The following TBC1D5 variants were observed in gnomAD, a reference collection of about 807,000 sequenced individuals.
TBC1D5 encodes the protein TBC1 domain family member 5.
A neutral mutation model predicts 100.3 loss-of-function variants in TBC1D5; 75 were observed. The observed-to-expected ratio is 0.75, with a 90% CI of 0.62 to 0.91. The LOEUF (loss-of-function observed/expected upper bound fraction) is 0.91. Among genes scored for constraint, TBC1D5 ranks in the 40% least tolerant of loss-of-function variants. The probability of loss-of-function intolerance (pLI) is 0.00; values close to 1 mark genes in which losing one functional copy is unlikely to be tolerated. For synonymous variants in TBC1D5, 323 were observed against 325.6 expected (o/e 0.99, Z 0.09); for missense variants, 910 against 942.4 (o/e 0.97, Z 0.45).
chr3:17,558,035 T>C (rs2096533600), intron 2 of TBC1D5, among the ~76,000 whole-genome samples: 1 of 152,226 alleles, frequency 6.6e-6, no homozygotes, highest in Admixed American at 6.5e-5. Context: ...AACCAAGTTC[T>C]TCTCTCTACC....
intron 1 of TBC1D5, among the ~76,000 whole-genome samples, chr3:17,700,514 A>G (rs1408621969): frequency 6.6e-6 from 1 of 152,216 alleles, no homozygotes; most frequent in Non-Finnish European, 1.5e-5. Flanking sequence ...CTGCACAGCA[A>G]AAGAAACTAC....
chr3:17,368,467 G>C (rs959059368), intron 13 of TBC1D5, among the ~76,000 whole-genome samples: 2 of 152,018 alleles, frequency 1.3e-5, no homozygotes, highest in East Asian at 1.9e-4. Flanking sequence ...TAAGTAATTT[G>C]ATGTTCCATG....
intron 3 of TBC1D5, among the ~76,000 whole-genome samples, chr3:17,480,538 T>G (rs943831703): frequency 5.9e-5 from 9 of 152,188 alleles, no homozygotes; most frequent in Non-Finnish European, 1.0e-4. Flanking sequence ...GTTACCCACC[T>G]TGGGTCTCCT....
chr3:17,622,301 G>A (rs1425710649), intron 2 of TBC1D5, among the ~76,000 whole-genome samples: 1 of 152,052 alleles, frequency 6.6e-6, no homozygotes, highest in Non-Finnish European at 1.5e-5. Context: ...ACAGGCTGTG[G>A]ACCGGTCCCA....
intron 3 of TBC1D5, among the ~76,000 whole-genome samples, chr3:17,468,265 C>A (rs2095332272): frequency 6.6e-6 from 1 of 152,144 alleles, no homozygotes; most frequent in African/African-American, 2.4e-5. Context: ...GCTTGACCTG[C>A]AGAACATGTT....
intron 2 of TBC1D5, among the ~76,000 whole-genome samples, chr3:17,565,246 T>G (rs1332590079): frequency 6.6e-6 from 1 of 152,194 alleles, no homozygotes; most frequent in Non-Finnish European, 1.5e-5. Flanking sequence ...GCACATTAGC[T>G]GTTCATTCAG....
At chr3:17,625,138 C>G (rs1167363116) in intron 1 of TBC1D5, among the ~76,000 whole-genome samples, 1 of 151,976 alleles carries the variant, frequency 6.6e-6, no homozygotes, top group East Asian at 1.9e-4. Context: ...TTGAATTTAT[C>G]TTCATAGCAT....
chr3:17,483,946 C>T (rs2095529692), intron 3 of TBC1D5, among the ~76,000 whole-genome samples: 1 of 152,114 alleles, frequency 6.6e-6, no homozygotes, highest in Non-Finnish European at 1.5e-5. Flanking sequence ...AATACAGCAG[C>T]CTGGACATGA....
chr3:17,586,718 G>T (rs948326812), intron 2 of TBC1D5, among the ~76,000 whole-genome samples: 4 of 151,948 alleles, frequency 2.6e-5, no homozygotes, highest in African/African-American at 9.7e-5. Context: ...ACAAACGTTA[G>T]CCTACTCATT....
intron 2 of TBC1D5, among the ~76,000 whole-genome samples, chr3:17,581,321 T>C (rs1381332076): frequency 2.0e-5 from 3 of 152,192 alleles, no homozygotes; most frequent in Non-Finnish European, 4.4e-5. Flanking sequence ...TGGACTAATA[T>C]ATACCTTTAA....
chr3:17,701,030 C>T (rs2143408), intron 1 of TBC1D5, among the ~76,000 whole-genome samples: 7 of 152,062 alleles, frequency 4.6e-5, no homozygotes, highest in Admixed American at 6.6e-5. Context: ...CACATGCATA[C>T]GTATGTTTAT....
intron 2 of TBC1D5, among the ~76,000 whole-genome samples, chr3:17,606,344 G>T (rs1352952897): frequency 6.6e-6 from 1 of 152,164 alleles, no homozygotes; most frequent in Non-Finnish European, 1.5e-5. Flanking sequence ...TCAGGAGGCT[G>T]CTGGGAGGAT....
At chr3:17,421,146 T>C (rs2094198002) in intron 4 of TBC1D5, among the ~76,000 whole-genome samples, 1 of 152,182 alleles carries the variant, frequency 6.6e-6, no homozygotes, top group South Asian at 2.1e-4. Context: ...GATTGTATAT[T>C]ATAAAGAAGC....
chr3:17,639,989 C>G (rs1417200080), intron 1 of TBC1D5, among the ~76,000 whole-genome samples: 1 of 152,100 alleles, frequency 6.6e-6, no homozygotes, highest in Non-Finnish European at 1.5e-5. Flanking sequence ...ATTTGCCATC[C>G]CTGCTCTAGC....
Position 17,558,938 on chromosome 3 carries a change from C to T in TBC1D5, c.-35-50333G>A, listed in dbSNP as rs562888312. ...CAGGCCAGATTTGCCTCATAGGCCA[C>T]ATTTTATCAACCCCTGTTCTAAATC... On this transcript the variant is annotated intron_variant, in intron 2 of 21. Transcript: ENST00000253692. Among the ~76,000 whole-genome samples the T allele has an allele frequency of 2.4e-4, 37 of 152,286 alleles. No individual in the cohort carries two copies. In the South Asian group the frequency reaches 7.1e-3, roughly 29 times the overall value.
At chr3:17,576,883 G>C (rs2096660263) in intron 2 of TBC1D5, among the ~76,000 whole-genome samples, 1 of 151,830 alleles carries the variant, frequency 6.6e-6, no homozygotes, top group Non-Finnish European at 1.5e-5. Context: ...CACAAATTTT[G>C]AGAAATAAGC....
chr3:17,642,889 T>C (rs767673678), intron 1 of TBC1D5, among the ~76,000 whole-genome samples: 1 of 152,134 alleles, frequency 6.6e-6, no homozygotes, highest in Non-Finnish European at 1.5e-5. Flanking sequence ...GTTGCCCAAA[T>C]AGCACCGAAT....
At position 17,424,800 on chromosome 3, in the gene TBC1D5, T is replaced by C. The variant is rs1441895179; in HGVS notation, c.167+3650A>G. On this transcript the variant is annotated intron_variant, in intron 4 of 21. Coordinates refer to ENST00000253692, the Ensembl canonical transcript of TBC1D5. Reference sequence around the variant, plus strand: ...CCCAGGTTATTAAGAAAAAAAAAAGTCTATGAGTATTAGGCACATAAAGCT... The same window carrying C: ...CCCAGGTTATTAAGAAAAAAAAAAGCCTATGAGTATTAGGCACATAAAGCT... Among the ~76,000 whole-genome samples, 3 of 152,148 alleles carry C rather than the reference T, an allele frequency of 2.0e-5. 1 individual carries two copies. The South Asian group carries it at 6.2e-4, about 32-fold the overall frequency.
At chr3:17,697,313 T>C (rs539029931) in intron 1 of TBC1D5, among the ~76,000 whole-genome samples, 187 of 152,320 alleles carry the variant, frequency 1.2e-3, no homozygotes, top group African/African-American at 4.2e-3. Context: ...GGAAGTCAAA[T>C]TGTCCCTGTT....
Sources: gnomAD v4.1 joint callset for allele counts (sites outside exome capture counted in the v4.1 genomes callset) on GRCh38, gnomAD v4.1.1 for gene constraint, MANE v1.5 for transcripts, NCBI Gene and HGNC (gene_info 2026-07-23, HGNC 2026-07-21) for gene names.